SPTBN1: variants seen among roughly 807,000 people sequenced by gnomAD.
The protein encoded by SPTBN1 is spectrin beta, non-erythrocytic 1, also known as spectrin beta chain, non-erythrocytic 1.
In SPTBN1, 32 loss-of-function variants were observed where a neutral mutation model predicts 266.4. The ratio of observed to expected loss-of-function variants is 0.12; its 90% CI spans 0.09 to 0.16. SPTBN1 has a LOEUF of 0.16. Ranked by LOEUF, SPTBN1 falls within the 10% of genes least tolerant of loss-of-function variation. SPTBN1 has a pLI of 1.00. For synonymous variants in SPTBN1, 1,336 were observed against 1,162.2 expected (o/e 1.15, Z -3.04); for missense variants, 2,296 against 3,067.1 (o/e 0.75, Z 5.94).
At position 54,665,863 on chromosome 2, in the gene SPTBN1, G is replaced by C. The variant is rs961166435; in HGVS notation, c.6660-52G>C. ...TAATGAAATGTTTAGTTCTTTAAGG[G>C]GAATGTGGTAGAGCCTTTATCTCCC... On this transcript the variant is annotated intron_variant, in intron 33 of 35. Coordinates refer to ENST00000356805, the MANE Select transcript of SPTBN1 (RefSeq NM_003128.3). 2.6e-6 allele frequency: 4 copies of C among 1,552,490 alleles called. No individual in the cohort carries two copies. In the South Asian group the frequency reaches 4.9e-5, roughly 19 times the overall value.
intron 29 of SPTBN1, 95 bp from the exon 30 acceptor site, chr2:54,657,755 G>A (rs1321059463): frequency 1.4e-6 from 2 of 1,410,934 alleles, no homozygotes; most frequent in Admixed American, 3.5e-5. Context: ...TATGCAGGTA[G>A]CCATCACCAG....
intron 2 of SPTBN1, among the ~76,000 whole-genome samples, chr2:54,560,213 T>C (rs79764670): frequency 0.031 from 4,654 of 151,094 alleles, 234 homozygotes; most frequent in African/African-American, 0.097. Context: ...TTATCTAGGT[T>C]TGTTAGGGGC....
intron 1 of SPTBN1, among the ~76,000 whole-genome samples, chr2:54,494,258 T>C (rs1274770248): frequency 6.6e-6 from 1 of 152,222 alleles, no homozygotes; most frequent in Non-Finnish European, 1.5e-5. Flanking sequence ...GGACTTATCT[T>C]TTAAGAGGAT....
At chr2:54,463,467 G>T (rs1052049296) in intron 1 of SPTBN1, among the ~76,000 whole-genome samples, 1 of 152,152 alleles carries the variant, frequency 6.6e-6, no homozygotes, top group African/African-American at 2.4e-5. Flanking sequence ...TGGATGGAGG[G>T]GCCCTGGGCC....
chr2:54,646,034 G>A lies in SPTBN1; in HGVS notation c.4584+17G>A, dbSNP rs763994638. ...AAAAATCAGGTAAGCCTTTCTGCTC[G>A]AGCTAGTTCTGTCTGATAAATAATT... On this transcript the variant is annotated intron_variant, in intron 22 of 35. Transcript: ENST00000356805. This position sits in a 1 kb window ranked among gnomAD's most constrained non-coding sequence, Gnocchi z 4.4. 28 of 1,614,026 alleles carry A rather than the reference G, an allele frequency of 1.7e-5. No homozygotes were observed. The highest frequency in any genetic ancestry group is 2.2e-5 in the Non-Finnish European group (26 of 1,180,012).
At chr2:54,637,196 A>AT (rs1417911170) in intron 17 of SPTBN1, among the ~76,000 whole-genome samples, 1 of 152,134 alleles carries the variant, frequency 6.6e-6, no homozygotes. Flanking sequence ...TTGAGTTAGT[A>AT]TATAGTCTTA....
intron 1 of SPTBN1, among the ~76,000 whole-genome samples, chr2:54,513,082 C>T (rs1330666358): frequency 6.6e-6 from 1 of 152,086 alleles, no homozygotes; most frequent in Non-Finnish European, 1.5e-5. Flanking sequence ...GTTCCAGCTA[C>T]CAGGGAGGCT....
chr2:54,601,889 G>T (rs923668842), intron 3 of SPTBN1, among the ~76,000 whole-genome samples: 1 of 152,122 alleles, frequency 6.6e-6, no homozygotes. Context: ...ACCCCACCCT[G>T]GATTTTGGCT....
At chr2:54,456,794 G>A (rs1323351395) in intron 1 of SPTBN1, among the ~76,000 whole-genome samples, 2 of 150,806 alleles carry the variant, frequency 1.3e-5, no homozygotes, top group Non-Finnish European at 3.0e-5. Flanking sequence ...CAGCAGACCC[G>A]CCGTGCGCAC....
chr2:54,666,242 T>G (rs1034118093), intron 34 of SPTBN1, among the ~76,000 whole-genome samples, 154 bp downstream of exon 34: 1 of 152,224 alleles, frequency 6.6e-6, no homozygotes, highest in Non-Finnish European at 1.5e-5. Context: ...GGCACGTGTC[T>G]CGGTTAGGCT....
chr2:54,576,923 C>T (rs560003240), intron 2 of SPTBN1, among the ~76,000 whole-genome samples: 11 of 152,220 alleles, frequency 7.2e-5, no homozygotes, highest in African/African-American at 2.6e-4. Context: ...ACATTGATTG[C>T]AAGTTTTTAA....
chr2:54,649,963 C>T lies in SPTBN1; in HGVS notation c.5551C>T (p.His1851Tyr), dbSNP rs760367861. ...ACAGAGAATGCACACTACATTTGAGCATGACATCCAGGCTCTGGGCACACA... is the reference window on the plus strand; with the variant it reads ...ACAGAGAATGCACACTACATTTGAGTATGACATCCAGGCTCTGGGCACACA... ...TLQRMHTTFE[H>Y]DIQALGTQVR... Residue 1851 changes from histidine to tyrosine, a missense_variant, in exon 26 of 36, where the codon CAT becomes TAT. By Grantham distance (83) the His-to-Tyr change is moderately conservative. This residue lies in a region of SPTBN1 where 644 missense variants were observed against 745.3 expected (regional missense o/e 0.86). Transcript: ENST00000356805. The surrounding 1 kb of genome is among the most constrained non-coding windows in gnomAD (Gnocchi z 6.7). The T allele has an allele frequency of 6.2e-7, 1 of 1,611,420 alleles. No individual in the cohort carries two copies. Among genetic ancestry groups the T allele is most frequent in the South Asian group, 1.1e-5 (1 of 91,018 alleles).
In SPTBN1 at chr2:54,629,335, C is replaced by G; in HGVS notation, c.2201C>G (p.Ala734Gly). The change falls in exon 14 of 36, where the codon GCC becomes GGC. Residue 734 changes from alanine to glycine, a missense_variant. Coordinates refer to ENST00000356805, the MANE Select transcript of SPTBN1 (RefSeq NM_003128.3). ...TGGGCCAACCTAGAGCAGCTCTCGGCCATTCGGAAGAAGCGCCTGGAGGAG... is the reference window on the plus strand; with the variant it reads ...TGGGCCAACCTAGAGCAGCTCTCGGGCATTCGGAAGAAGCGCCTGGAGGAG... ...EQWANLEQLS[A>G]IRKKRLEEAS... is the part of the protein sequence containing the mutation. 1 of 1,614,056 alleles carries G rather than the reference C, an allele frequency of 6.2e-7. No individual in the cohort carries two copies. The highest frequency in any genetic ancestry group is 2.2e-5 in the East Asian group (1 of 44,886).
chr2:54,627,270 AGAGAGGGACTTT>A (rs1678409839), intron 12 of SPTBN1, among the ~76,000 whole-genome samples: 2 of 152,222 alleles, frequency 1.3e-5, no homozygotes, highest in South Asian at 4.1e-4. Context: ...AAAATGTAGC[AGAGAGGGACTTT>A]TCATTTTATA....
chr2:54,488,798 C>T (rs1250860885), intron 1 of SPTBN1, among the ~76,000 whole-genome samples: 3 of 151,376 alleles, frequency 2.0e-5, no homozygotes. Flanking sequence ...TATTTTTTGA[C>T]TTTCAATTAT....
At chr2:54,537,955 C>T (rs1264272156) in intron 2 of SPTBN1, among the ~76,000 whole-genome samples, 1 of 152,188 alleles carries the variant, frequency 6.6e-6, no homozygotes, top group Non-Finnish European at 1.5e-5. Context: ...CATGGCAGCT[C>T]TCCCTGGAAC....
chr2:54,611,084 G>A (rs1356788540), intron 3 of SPTBN1, among the ~76,000 whole-genome samples: 5 of 152,164 alleles, frequency 3.3e-5, no homozygotes, highest in Non-Finnish European at 5.9e-5. Flanking sequence ...CTGTGTTTGT[G>A]TGTATGAGTT....
intron 19 of SPTBN1, 36 bp from the exon 20 acceptor site, chr2:54,644,287 T>G (rs1257166445): frequency 1.9e-6 from 3 of 1,582,390 alleles, no homozygotes; most frequent in Non-Finnish European, 2.6e-6. Flanking sequence ...TGTAGCAAAC[T>G]TGTTTATTTA....
In SPTBN1 at chr2:54,558,458, A is replaced by G; in HGVS notation, c.148+31892A>G. ...CCGTGGCATGCTTAGGATTGGCCAT[A>G]TTTAAAAGTTCTGAAGTAGAACCTG... On this transcript the variant is annotated intron_variant, in intron 2 of 35. Transcript: ENST00000356805. The surrounding 1 kb of genome is among the most constrained non-coding windows in gnomAD (Gnocchi z 4.6). 9.4e-7 allele frequency: 1 copy of G among 1,060,426 alleles called. No homozygotes were observed. The highest frequency in any genetic ancestry group is 1.1e-6 in the Non-Finnish European group (1 of 878,212). The allele number at this position is 1,060,426 out of a possible 1,614,324, so 65.7% of individuals were successfully genotyped here. A position where few individuals can be genotyped will look rare whatever the true frequency, so the allele number is the denominator to read the frequency against.
Sources: allele counts gnomAD v4.1 joint callset (sites outside exome capture counted in the v4.1 genomes callset), GRCh38; gene constraint gnomAD v4.1.1; regional missense constraint gnomAD v4.1.1; non-coding constraint Gnocchi (gnomAD v3.1); transcripts MANE v1.5; gene names NCBI Gene and HGNC (gene_info 2026-07-23, HGNC 2026-07-21).